VAMP1: variants seen among roughly 807,000 people sequenced by gnomAD.
The protein encoded by VAMP1 is vesicle-associated membrane protein 1.
Under a neutral mutation model 19.1 loss-of-function variants are expected in VAMP1, and 16 were observed. That is an observed-to-expected ratio of 0.84 (90% CI 0.57 to 1.27). The LOEUF (loss-of-function observed/expected upper bound fraction) is 1.27. Among genes scored for constraint, VAMP1 ranks in the 50% most tolerant of loss-of-function variants. The pLI, the probability that VAMP1 is intolerant of heterozygous loss-of-function variation, is 0.00. For synonymous variants in VAMP1, 37 were observed against 50.2 expected, an observed-to-expected ratio of 0.74 and a Z score of 1.11; for missense variants, 109 against 145.4, an observed-to-expected ratio of 0.75 and a Z score of 1.29.
In VAMP1 at chr12:6,462,319, A is replaced by T. The variant is rs1949892734; in HGVS notation, c.*2151T>A. On this transcript the variant is annotated 3_prime_UTR_variant, in exon 5 of 5. Transcript: ENST00000396308. ...TATGCCACATGCCTTTGGTGGAAGT[A>T]CAACTGTTGTTATTACTCTATACAA... 1 of 593,482 alleles carries T rather than the reference A, an allele frequency of 1.7e-6. No individual in the cohort carries two copies. 36.8% of individuals were successfully genotyped at this position (593,482 alleles called of 1,614,324 possible).
chr12:6,467,846 C>T (rs541134694), intron 1 of VAMP1, among the ~76,000 whole-genome samples: 47 of 152,370 alleles, frequency 3.1e-4, no homozygotes, highest in Non-Finnish European at 5.7e-4. Flanking sequence ...ATGCAGGGCT[C>T]GGGCCGTGGC....
chr12:6,468,123 G>C (rs73269432), intron 1 of VAMP1, among the ~76,000 whole-genome samples: 1,631 of 152,306 alleles, frequency 0.011, 31 homozygotes, highest in African/African-American at 0.036. Flanking sequence ...ATGAGAAAAA[G>C]GTCACCATTC....
Position 6,463,036 on chromosome 12 carries a change from C to A in VAMP1, c.*1434G>T, listed in dbSNP as rs1949921876. The A allele has an allele frequency of 4.5e-6, 7 of 1,544,788 alleles. No individual in the cohort carries two copies. Among genetic ancestry groups the A allele is most frequent in the Non-Finnish European group, 6.1e-6 (7 of 1,146,838 alleles). ...CATTCTCCGCTCTGTTCCCAGCCTG[C>A]CCTCCTCCCCTTGCACCTGGGCTTA... On this transcript the variant is annotated 3_prime_UTR_variant, in exon 5 of 5. Transcript: ENST00000396308. This position sits in a 1 kb window ranked among gnomAD's most constrained non-coding sequence, Gnocchi z 4.0.
At position 6,463,565 on chromosome 12, in the gene VAMP1, C is replaced by T. The variant is rs1949933955; in HGVS notation, c.*905G>A. On this transcript the variant is annotated 3_prime_UTR_variant, in exon 5 of 5. Coordinates refer to ENST00000396308, the MANE Select transcript of VAMP1 (RefSeq NM_014231.5). The surrounding 1 kb of genome is among the most constrained non-coding windows in gnomAD (Gnocchi z 4.0). ...GGAGTGGCTTCCTCTGAGCTTGTTA[C>T]TTTCAAATTAAGCACTTGACTCACT... is the stretch of plus-strand genomic sequence containing the variant. 6 of 1,056,662 alleles carry T rather than the reference C, an allele frequency of 5.7e-6. No individual in the cohort carries two copies. Among genetic ancestry groups the T allele is most frequent in the African/African-American group, 1.7e-5 (1 of 58,136 alleles). The allele number at this position is 1,056,662 out of a possible 1,614,324, so 65.5% of individuals were successfully genotyped here. A position where few individuals can be genotyped will look rare whatever the true frequency, so the allele number is the denominator to read the frequency against.
chr12:6,468,502 A>C (rs1463678428), intron 1 of VAMP1, among the ~76,000 whole-genome samples: 2 of 152,198 alleles, frequency 1.3e-5, no homozygotes, highest in Non-Finnish European at 2.9e-5. Flanking sequence ...AGTTATGGAA[A>C]CTGTTCCAAG....
rs909152925 is a variant in VAMP1, at chr12:6,463,730, A to G, written c.*740T>C. ...CATACAGAATGCTGTAGAAAATGTA[A>G]AGAAGAGAAAGCTCCTTCCAGCTAG... On this transcript the variant is annotated 3_prime_UTR_variant, in exon 5 of 5. Coordinates refer to ENST00000396308, the MANE Select transcript of VAMP1 (RefSeq NM_014231.5). This position sits in a 1 kb window ranked among gnomAD's most constrained non-coding sequence, Gnocchi z 4.0. 6.9e-6 allele frequency: 8 copies of G among 1,154,706 alleles called. No individual in the cohort carries two copies. The African/African-American group carries it at 1.3e-4, about 19-fold the overall frequency. The allele number at this position is 1,154,706 out of a possible 1,614,324, so 71.5% of individuals were successfully genotyped here. A position where few individuals can be genotyped will look rare whatever the true frequency, so the allele number is the denominator to read the frequency against.
At position 6,462,396 on chromosome 12, in the gene VAMP1, A is replaced by G; in HGVS notation, c.*2074T>C. ...GACAAAGAGGTGATGACAGACACAC[A>G]GTGGAAACCCCACATCGTCTCATGG... is the stretch of plus-strand genomic sequence containing the variant. On this transcript the variant is annotated 3_prime_UTR_variant, in exon 5 of 5. Transcript: ENST00000396308. The G allele has an allele frequency of 4.0e-6, 2 of 497,382 alleles. No homozygotes were observed. Among genetic ancestry groups the G allele is most frequent in the Non-Finnish European group, 3.6e-6 (1 of 279,566 alleles). 30.8% of individuals were successfully genotyped at this position (497,382 alleles called of 1,614,324 possible).
Position 6,464,887 on chromosome 12 carries a change from T to TA in VAMP1, c.340+2dup. On this transcript the variant is annotated splice_region_variant and intron_variant, in intron 4 of 4. Coordinates refer to ENST00000396308, the MANE Select transcript of VAMP1 (RefSeq NM_014231.5). ...CCCCACCAGCAACTTCAGCGATACT[T>TA]ACTTACAATAACTACCACGATGATG... is the stretch of plus-strand genomic sequence containing the variant. The TA allele has an allele frequency of 6.2e-7, 1 of 1,613,978 alleles. No individual in the cohort carries two copies. Among genetic ancestry groups the TA allele is most frequent in the Non-Finnish European group, 8.5e-7 (1 of 1,179,982 alleles).
intron 1 of VAMP1, chr12:6,466,788 G>A: frequency 5.9e-6 from 1 of 168,700 alleles, no homozygotes; most frequent in Non-Finnish European, 1.3e-5. Flanking sequence ...ATGGCTACAG[G>A]GACATATGGC....
intron 3 of VAMP1, 152 bp downstream of exon 3, chr12:6,465,690 C>T (rs1950005205): frequency 1.8e-6 from 2 of 1,128,138 alleles, no homozygotes; most frequent in Non-Finnish European, 2.5e-6. Context: ...AATGCAATCT[C>T]AAGAGGAGGC....
chr12:6,466,448 T>C, intron 1 of VAMP1, 97 bp from the exon 2 acceptor site: 1 of 1,403,806 alleles, frequency 7.1e-7, no homozygotes, highest in Non-Finnish European at 9.6e-7. Flanking sequence ...CTCAAGAGGC[T>C]GAAGTGGGAG....
In VAMP1 at chr12:6,462,619, G is replaced by T; in HGVS notation, c.*1851C>A. The T allele has an allele frequency of 1.6e-6, 1 of 619,232 alleles. No individual in the cohort carries two copies. 38.4% of individuals were successfully genotyped at this position (619,232 alleles called of 1,614,324 possible). A position where few individuals can be genotyped will look rare whatever the true frequency, so the allele number is the denominator to read the frequency against. ...AAGAACAAGGCCAACTACACCTGGT[G>T]AGCCTCAGAGGGACAGAAACCCAGG... is the stretch of plus-strand genomic sequence containing the variant. On this transcript the variant is annotated 3_prime_UTR_variant, in exon 5 of 5. Transcript: ENST00000396308.
intron 3 of VAMP1, 120 bp downstream of exon 3, chr12:6,465,722 G>T: frequency 7.4e-7 from 1 of 1,359,678 alleles, no homozygotes; most frequent in Non-Finnish European, 9.9e-7. Flanking sequence ...CCTCCCAAGC[G>T]TTATGCTGGT....
At chr12:6,466,565 C>T in intron 1 of VAMP1, 3 of 454,966 alleles carry the variant, frequency 6.6e-6, no homozygotes, top group South Asian at 2.9e-5. Context: ...TCACCCCAAA[C>T]CACTTAAACA....
chr12:6,467,555 C>T (rs11064210), intron 1 of VAMP1, among the ~76,000 whole-genome samples: 21,977 of 152,144 alleles, frequency 0.14, 2,010 homozygotes, highest in Non-Finnish European at 0.21. Context: ...GAAGAAAAGA[C>T]GCAGTACTAA....
rs202093198 is a variant in VAMP1, at chr12:6,464,479, A to G, written c.348T>C (p.Phe116=). The G allele has an allele frequency of 6.5e-7, 1 of 1,540,110 alleles. No homozygotes were observed. The highest frequency in any genetic ancestry group is 8.8e-7 in the Non-Finnish European group (1 of 1,141,824). The change falls in exon 5 of 5, where the codon TTT becomes TTC. Residue 116 remains phenylalanine (F), a synonymous_variant. Transcript: ENST00000396308. ...AAGGGGTGGTACATTCTCAAGTAAA[A>G]AAGTAGACTGGACACAGGAATCAGG... ...AIIVVVIVIY[F]FT
Position 6,463,052 on chromosome 12 carries a change from C to A in VAMP1, c.*1418G>T, listed in dbSNP as rs1949922060. On this transcript the variant is annotated 3_prime_UTR_variant, in exon 5 of 5. Coordinates refer to ENST00000396308, the MANE Select transcript of VAMP1 (RefSeq NM_014231.5). This position sits in a 1 kb window ranked among gnomAD's most constrained non-coding sequence, Gnocchi z 4.0. ...CCCAGCCTGCCCTCCTCCCCTTGCA[C>A]CTGGGCTTATCCCACATTAATAGCC... is the stretch of plus-strand genomic sequence containing the variant. The A allele has an allele frequency of 1.3e-6, 2 of 1,541,878 alleles. No homozygotes were observed. Among genetic ancestry groups the A allele is most frequent in the African/African-American group, 2.7e-5 (2 of 73,122 alleles).
intron 1 of VAMP1, 36 bp from the exon 2 acceptor site, chr12:6,466,387 C>G: frequency 1.3e-6 from 2 of 1,588,604 alleles, no homozygotes; most frequent in Non-Finnish European, 8.6e-7. Context: ...ACAAAGTGAC[C>G]AAGACAAGAA....
At position 6,466,284 on chromosome 12, in the gene VAMP1, G is replaced by A. The variant is rs763810088; in HGVS notation, c.70C>T (p.Pro24Ser). The change falls in exon 2 of 5, where the codon CCT becomes TCT. Residue 24 changes from proline to serine, a missense_variant. Pro to Ser is a moderately conservative substitution (Grantham distance 74, BLOSUM62 -1). Coordinates refer to ENST00000396308, the MANE Select transcript of VAMP1 (RefSeq NM_014231.5). The part of the protein sequence containing the change: ...GTAPGGGPPG[P>S]PPNMTSNRRL... The stretch of plus-strand genomic sequence containing the variant: ...CTGTTACTGGTCATGTTAGGAGGAG[G>A]GCCAGGGGGACCCCCACCTGGGGCA... 7 of 1,614,080 alleles carry A rather than the reference G, an allele frequency of 4.3e-6. No individual in the cohort carries two copies. The highest frequency in any genetic ancestry group is 5.9e-6 in the Non-Finnish European group (7 of 1,180,038).
Sources: gnomAD v4.1 joint callset for allele counts (sites outside exome capture counted in the v4.1 genomes callset) on GRCh38, gnomAD v4.1.1 for gene constraint, Gnocchi (gnomAD v3.1) non-coding constraint, MANE v1.5 for transcripts, NCBI Gene and HGNC (gene_info 2026-07-23, HGNC 2026-07-21) for gene names.